The following TMEM120A variants were observed in gnomAD, a reference collection of about 807,000 sequenced individuals.
TMEM120A encodes the protein ion channel TACAN.
In TMEM120A, 45 loss-of-function variants were observed where a neutral mutation model predicts 54.3. The observed-to-expected ratio is 0.83, with a 90% CI of 0.65 to 1.06. The LOEUF (loss-of-function observed/expected upper bound fraction) is 1.06, where lower values mean the gene tolerates loss of function less well. Among genes scored for constraint, TMEM120A ranks in the 50% least tolerant of loss-of-function variants. The pLI is 0.00. For synonymous variants in TMEM120A, 204 were observed against 178.5 expected (o/e 1.14, Z -1.14); for missense variants, 424 against 441.7 (o/e 0.96, Z 0.36).
chr7:75,987,525 A>G lies in TMEM120A; in HGVS notation c.849+13T>C. ...GACAGACAGACAGGCAGGGACACAG[A>G]GGCACGACTTACGTGTCCAAAGAAA... On this transcript the variant is annotated intron_variant, in intron 10 of 11. Coordinates refer to ENST00000493111, the MANE Select transcript of TMEM120A (RefSeq NM_031925.3). 6.3e-7 allele frequency: 1 copy of G among 1,583,510 alleles called. No homozygotes were observed. Among genetic ancestry groups the G allele is most frequent in the Non-Finnish European group, 8.6e-7 (1 of 1,165,740 alleles).
chr7:75,989,670 C>T lies in TMEM120A; in HGVS notation c.318-446G>A, dbSNP rs112863707. 5.6e-3 allele frequency among the ~76,000 whole-genome samples: 848 copies of T among 152,024 alleles called. 13 individuals carry two copies. The highest frequency in any genetic ancestry group is 0.02 in the African/African-American group (812 of 41,422). On this transcript the variant is annotated intron_variant, in intron 3 of 11. Coordinates refer to ENST00000493111, the MANE Select transcript of TMEM120A (RefSeq NM_031925.3). Reference sequence around the variant, plus strand: ...CCCACACGCCTGGCCACATCTAGGACGACCTCCCAAACCAGAACAGAAACT... The same window carrying T: ...CCCACACGCCTGGCCACATCTAGGATGACCTCCCAAACCAGAACAGAAACT...
At position 75,987,037 on chromosome 7, in the gene TMEM120A, G is replaced by T. The variant is rs782143459; in HGVS notation, c.*135C>A. 5.4e-6 allele frequency: 4 copies of T among 742,106 alleles called. No individual in the cohort carries two copies. The Admixed American group carries it at 8.0e-5, about 15-fold the overall frequency. 46.0% of individuals were successfully genotyped at this position (742,106 alleles called of 1,614,324 possible). A position where few individuals can be genotyped will look rare whatever the true frequency, so the allele number is the denominator to read the frequency against. ...CACTGGGCCCAGGTCTTCCTTCAGG[G>T]CCCACAGCGCCCATAAAACCCAAGG... On this transcript the variant is annotated 3_prime_UTR_variant, in exon 12 of 12. Transcript: ENST00000493111.
intron 3 of TMEM120A, among the ~76,000 whole-genome samples, 151 bp from the exon 4 acceptor site, chr7:75,989,375 G>C (rs1789745686): frequency 6.6e-6 from 1 of 151,192 alleles, no homozygotes; most frequent in Non-Finnish European, 1.5e-5. Context: ...TCTGACCTTG[G>C]AGGCTGCAGA....
At chr7:75,988,587 C>G in intron 4 of TMEM120A, 71 bp from the exon 5 acceptor site, 1 of 1,027,618 alleles carries the variant, frequency 9.7e-7, no homozygotes, top group Non-Finnish European at 1.4e-6. Flanking sequence ...CCCGGGAGGG[C>G]AGCTGAGCCA....
chr7:75,991,689 C>A (rs983069642), intron 3 of TMEM120A, among the ~76,000 whole-genome samples: 1 of 152,142 alleles, frequency 6.6e-6, no homozygotes, highest in Non-Finnish European at 1.5e-5. Context: ...CAGGCATGAG[C>A]CACCGCGCCC....
rs1789521278 is a variant in TMEM120A at position 75,987,025 on chromosome 7, T to TCTTC, written c.*143_*146dup. ...CTTTATTGAGGGCACTGGGCCCAGGTCTTCCTTCAGGGCCCACAGCGCCCA... is the reference window on the plus strand; with the variant it reads ...CTTTATTGAGGGCACTGGGCCCAGGTCTTCCTTCCTTCAGGGCCCACAGCGCCCA... On this transcript the variant is annotated 3_prime_UTR_variant, in exon 12 of 12. Transcript: ENST00000493111. The TCTTC allele has an allele frequency of 1.5e-6, 1 of 689,420 alleles. No individual in the cohort carries two copies. The allele number at this position is 689,420 out of a possible 1,614,324, so 42.7% of individuals were successfully genotyped here. A position where few individuals can be genotyped will look rare whatever the true frequency, so the allele number is the denominator to read the frequency against.
At chr7:75,993,509 G>A (rs1554562327) in intron 1 of TMEM120A, among the ~76,000 whole-genome samples, 1 of 152,252 alleles carries the variant, frequency 6.6e-6, no homozygotes, top group East Asian at 1.9e-4. Context: ...CTGTGGCCAG[G>A]ACAGCGGCGG....
chr7:75,990,109 G>C (rs1348432165), intron 3 of TMEM120A, among the ~76,000 whole-genome samples: 4 of 152,158 alleles, frequency 2.6e-5, no homozygotes, highest in African/African-American at 7.2e-5. Flanking sequence ...TCCCGGCACA[G>C]TGCTCCCCAA....
rs541159665 is a variant in TMEM120A, at chr7:75,994,471, C to A, written c.81+19G>T. ...GAGACGCGGCTCGGGGGCGACCCGGCGTCCGCAGCGGCGCTAACCTGGATG... is the reference window on the plus strand; with the variant it reads ...GAGACGCGGCTCGGGGGCGACCCGGAGTCCGCAGCGGCGCTAACCTGGATG... On this transcript the variant is annotated intron_variant, in intron 1 of 11. Transcript: ENST00000493111. 60 of 1,552,060 alleles carry A rather than the reference C, an allele frequency of 3.9e-5. 1 individual carries two copies. In the East Asian group the frequency reaches 1.3e-3, roughly 34 times the overall value.
chr7:75,987,125 A>G lies in TMEM120A; in HGVS notation c.*47T>C. The G allele has an allele frequency of 2.0e-6, 3 of 1,499,346 alleles. No homozygotes were observed. The highest frequency in any genetic ancestry group is 2.7e-6 in the Non-Finnish European group (3 of 1,097,962). The allele number at this position is 1,499,346 out of a possible 1,614,324, so 92.9% of individuals were successfully genotyped here. A position where few individuals can be genotyped will look rare whatever the true frequency, so the allele number is the denominator to read the frequency against. ...GGGGCGCCTCCCATCCCCTCCCACA[A>G]CACACAGGACAGAAGCCCCTCTGGG... On this transcript the variant is annotated 3_prime_UTR_variant, in exon 12 of 12. Coordinates refer to ENST00000493111, the MANE Select transcript of TMEM120A (RefSeq NM_031925.3).
intron 1 of TMEM120A, among the ~76,000 whole-genome samples, chr7:75,993,995 C>A (rs1789949651): frequency 8.2e-6 from 1 of 121,272 alleles, no homozygotes; most frequent in Non-Finnish European, 1.6e-5. Context: ...CTCCTTGATG[C>A]AGCCACATGG....
chr7:75,990,592 A>T (rs1789802892), intron 3 of TMEM120A, among the ~76,000 whole-genome samples: 1 of 152,082 alleles, frequency 6.6e-6, no homozygotes, highest in African/African-American at 2.4e-5. Flanking sequence ...AGCTCTAAAA[A>T]GTCTCCCAGA....
intron 4 of TMEM120A, 148 bp downstream of exon 4, chr7:75,989,017 T>G (rs540802796): frequency 5.7e-3 from 281 of 49,298 alleles, no homozygotes; most frequent in South Asian, 0.01. Flanking sequence ...GGGTGGGGGG[T>G]GGAGGGGAAG....
chr7:75,994,143 C>T (rs1312854806), intron 1 of TMEM120A, among the ~76,000 whole-genome samples: 1 of 152,232 alleles, frequency 6.6e-6, no homozygotes, highest in Non-Finnish European at 1.5e-5. Context: ...GGGCGCTGCC[C>T]GCTGCGCGTT....
intron 6 of TMEM120A, 29 bp downstream of exon 6, chr7:75,988,223 T>C: frequency 1.2e-6 from 2 of 1,611,686 alleles, no homozygotes; most frequent in Non-Finnish European, 1.7e-6. Flanking sequence ...CATTCCATGC[T>C]CCCCTCCCTC....
chr7:75,992,051 G>T, intron 3 of TMEM120A, 93 bp downstream of exon 3: 1 of 889,620 alleles, frequency 1.1e-6, no homozygotes, highest in Non-Finnish European at 1.8e-6. Flanking sequence ...TGGGCCCAGG[G>T]AACATTTGCT....
rs1554560709 is a variant in TMEM120A, at chr7:75,988,308, G to A, written c.507C>T (p.Val169=). Residue 169 remains valine, a synonymous_variant, in exon 6 of 12, where the codon GTC becomes GTT. Transcript: ENST00000493111. ...VTDAAFNFLL[V]WYYCTLTIRE... ...GGATGGTCAGGGTGCAGTAGTACCAGACCAGCAGGAAGTTGAAGGCAGCAT... is the reference window on the plus strand; with the variant it reads ...GGATGGTCAGGGTGCAGTAGTACCAAACCAGCAGGAAGTTGAAGGCAGCAT... 1 of 1,609,576 alleles carries A rather than the reference G, an allele frequency of 6.2e-7. No individual in the cohort carries two copies. The highest frequency in any genetic ancestry group is 8.5e-7 in the Non-Finnish European group (1 of 1,178,900).
chr7:75,994,465 A>T, intron 1 of TMEM120A, 25 bp downstream of exon 1: 3 of 1,549,098 alleles, frequency 1.9e-6, no homozygotes, highest in Non-Finnish European at 2.6e-6. Flanking sequence ...CTCGGGGGCG[A>T]CCCGGCGTCC....
rs782633931 is a variant in TMEM120A at position 75,987,725 on chromosome 7, G to A, written c.777C>T (p.Leu259=). ...RALGERHTMD[L]TVEGFQSWMW... is the part of the protein sequence containing the mutation. ...GGGCCACTCCCGACTCACCCACAGT[G>A]AGGTCCATGGTGTGCCGCTCGCCCA... Residue 259 remains leucine, a synonymous_variant, in exon 9 of 12, where the codon CTC becomes CTT. Transcript: ENST00000493111. 6.2e-7 allele frequency: 1 copy of A among 1,612,296 alleles called. No homozygotes were observed. The highest frequency in any genetic ancestry group is 1.1e-5 in the South Asian group (1 of 91,036).
Sources: allele counts gnomAD v4.1 joint callset (sites outside exome capture counted in the v4.1 genomes callset), GRCh38; gene constraint gnomAD v4.1.1; transcripts MANE v1.5; gene names NCBI Gene and HGNC (gene_info 2026-07-23, HGNC 2026-07-21).